DLG1: variants seen among roughly 807,000 people sequenced by gnomAD.
DLG1 encodes disks large homolog 1.
A neutral mutation model predicts 123.4 loss-of-function variants in DLG1; 42 were observed. The observed-to-expected ratio is 0.34, with a 90% CI of 0.27 to 0.44. DLG1 has a LOEUF of 0.44. Ranked by LOEUF, DLG1 falls within the 20% of genes least tolerant of loss-of-function variation. The probability of loss-of-function intolerance (pLI) is 1.00; values close to 1 mark genes in which losing one functional copy is unlikely to be tolerated. For synonymous variants in DLG1, 317 were observed against 356.2 expected (o/e 0.89, Z 1.24); for missense variants, 942 against 1,082.6 (o/e 0.87, Z 1.82).
chr3:197,142,293 T>C lies in DLG1; in HGVS notation c.588+425A>G, dbSNP rs551371461. 2.6e-5 allele frequency among the ~76,000 whole-genome samples: 4 copies of C among 152,280 alleles called. No individual in the cohort carries two copies. The East Asian group carries it at 7.7e-4, about 29-fold the overall frequency. On this transcript the variant is annotated intron_variant, in intron 7 of 24. Transcript: ENST00000667157. Reference sequence around the variant, plus strand: ...TCTAGAGGGGTCTAAGGCGGCAGGATAACTAAACGTAATGTAGTTTCCTGG... The same window carrying C: ...TCTAGAGGGGTCTAAGGCGGCAGGACAACTAAACGTAATGTAGTTTCCTGG...
intron 3 of DLG1, among the ~76,000 whole-genome samples, chr3:197,292,716 A>C (rs1266353805): frequency 6.6e-6 from 1 of 152,234 alleles, no homozygotes; most frequent in Non-Finnish European, 1.5e-5. Flanking sequence ...TAAACTCATA[A>C]ATGGACAGTA....
rs1786120384 is a variant in DLG1 at position 197,138,291 on chromosome 3, A to T, written c.814T>A (p.Leu272Met). 2 of 1,603,640 alleles carry T rather than the reference A, an allele frequency of 1.2e-6. No individual in the cohort carries two copies. The highest frequency in any genetic ancestry group is 1.7e-5 in the Admixed American group (1 of 59,632). The change falls in exon 9 of 25, where the codon TTG becomes ATG. Residue 272 changes from leucine to methionine, a missense_variant. Coordinates refer to ENST00000667157, the MANE Select transcript of DLG1 (RefSeq NM_001366207.1). ...ALKEAGSIVRLYVKRRKPVSE... is the reference protein window; with the variant it reads ...ALKEAGSIVRMYVKRRKPVSE... ...ACTGGTTTCCTTCTTTTTACATACA[A>T]GCGTACAATAGACCCTGCTTCTTTC...
chr3:197,165,660 G>A (rs965871232), intron 5 of DLG1, among the ~76,000 whole-genome samples: 3 of 152,074 alleles, frequency 2.0e-5, no homozygotes, highest in Non-Finnish European at 2.9e-5. Context: ...AATAACAATC[G>A]TAACTGATAC....
At chr3:197,118,429 AC>A (rs1490790478) in intron 12 of DLG1, among the ~76,000 whole-genome samples, 1 of 152,174 alleles carries the variant, frequency 6.6e-6, no homozygotes, top group Non-Finnish European at 1.5e-5. Context: ...ATTACTGACA[AC>A]CTATTAAGTT....
intron 4 of DLG1, chr3:197,260,356 T>C: frequency 2.7e-6 from 1 of 375,280 alleles, no homozygotes; most frequent in Non-Finnish European, 5.2e-6. Flanking sequence ...GAACAAAACA[T>C]GTAAATAAAA....
chr3:197,255,357 G>GA (rs35996235), intron 4 of DLG1, among the ~76,000 whole-genome samples: 1 of 152,136 alleles, frequency 6.6e-6, no homozygotes, highest in Non-Finnish European at 1.5e-5. Context: ...CAGTGCTTAT[G>GA]AAAAAATGTA....
intron 13 of DLG1, among the ~76,000 whole-genome samples, chr3:197,114,618 G>A (rs1003483657): frequency 2.7e-4 from 41 of 152,190 alleles, no homozygotes; most frequent in South Asian, 4.1e-4. Flanking sequence ...ATATCTGAAG[G>A]GCATTTTTGC....
chr3:197,193,780 C>T (rs1720931425), intron 5 of DLG1, among the ~76,000 whole-genome samples: 1 of 150,388 alleles, frequency 6.6e-6, no homozygotes, highest in Non-Finnish European at 1.5e-5. Context: ...ATGATAGGAT[C>T]AAGAAAAGTC....
intron 17 of DLG1, among the ~76,000 whole-genome samples, chr3:197,077,752 G>T (rs1286467561): frequency 6.6e-6 from 1 of 152,124 alleles, no homozygotes; most frequent in Non-Finnish European, 1.5e-5. Context: ...AGAACGATGA[G>T]GCTATTAAAC....
intron 11 of DLG1, 44 bp from the exon 12 acceptor site, chr3:197,119,574 G>C (rs1409552681): frequency 1.3e-6 from 2 of 1,548,338 alleles, no homozygotes; most frequent in Non-Finnish European, 8.8e-7. Flanking sequence ...CACGAAACAA[G>C]CCAATCAGTA....
At chr3:197,148,245 C>A (rs28853971) in intron 6 of DLG1, among the ~76,000 whole-genome samples, 67 of 43,274 alleles carry the variant, frequency 1.5e-3, no homozygotes, top group Admixed American at 2.1e-3. Context: ...ACCAAAAATA[C>A]AAAAAAAAAA....
intron 13 of DLG1, among the ~76,000 whole-genome samples, chr3:197,111,997 T>C (rs1249213843): frequency 2.0e-5 from 3 of 152,312 alleles, no homozygotes; most frequent in East Asian, 1.9e-4. Context: ...TATGCTTTCA[T>C]TTGTCCTGGG....
chr3:197,148,195 T>C (rs1577080653), intron 6 of DLG1, among the ~76,000 whole-genome samples: 1 of 120,526 alleles, frequency 8.3e-6, no homozygotes, highest in Non-Finnish European at 1.6e-5. Flanking sequence ...AGCTCAGGAG[T>C]TCAAGATCAA....
At chr3:197,125,670 T>C (rs1250257209) in intron 11 of DLG1, among the ~76,000 whole-genome samples, 1 of 152,158 alleles carries the variant, frequency 6.6e-6, no homozygotes, top group African/African-American at 2.4e-5. Flanking sequence ...TAAAGTATTA[T>C]CTTAGAAGCA....
At chr3:197,079,487 ACT>A (rs1325781983) in intron 17 of DLG1, among the ~76,000 whole-genome samples, 1 of 152,150 alleles carries the variant, frequency 6.6e-6, no homozygotes, top group Non-Finnish European at 1.5e-5. Context: ...GAACACAGTG[ACT>A]CTGTATAAAG....
intron 5 of DLG1, among the ~76,000 whole-genome samples, chr3:197,172,935 A>C (rs536982151): frequency 6.6e-6 from 1 of 152,202 alleles, no homozygotes; most frequent in Non-Finnish European, 1.5e-5. Flanking sequence ...ACAACTTCTT[A>C]CTGAGGGCTC....
chr3:197,197,589 A>T (rs368061131), intron 4 of DLG1, among the ~76,000 whole-genome samples: 1 of 152,226 alleles, frequency 6.6e-6, no homozygotes, highest in African/African-American at 2.4e-5. Flanking sequence ...ACAGCATTCA[A>T]TGCAATCTCT....
At chr3:197,154,731 G>A (rs773737364) in intron 5 of DLG1, among the ~76,000 whole-genome samples, 20 of 151,944 alleles carry the variant, frequency 1.3e-4, no homozygotes, top group Non-Finnish European at 2.8e-4. Context: ...CTGTATGAAC[G>A]AAACGGAAAT....
chr3:197,060,015 A>G lies in DLG1; in HGVS notation c.2374-17T>C, dbSNP rs1262909263. On this transcript the variant is annotated splice_polypyrimidine_tract_variant and intron_variant, in intron 22 of 24. Transcript: ENST00000667157. Reference sequence around the variant, plus strand: ...GTGTTTGCCCTAAAATAAAGGGAACAAAGAAAAAAAACAAGTGAGCCAAAT... The same window carrying G: ...GTGTTTGCCCTAAAATAAAGGGAACGAAGAAAAAAAACAAGTGAGCCAAAT... 2.5e-6 allele frequency: 4 copies of G among 1,586,664 alleles called. No homozygotes were observed. The highest frequency in any genetic ancestry group is 3.4e-6 in the Non-Finnish European group (4 of 1,162,402).
Sources: gnomAD v4.1 joint callset for allele counts (sites outside exome capture counted in the v4.1 genomes callset) on GRCh38, gnomAD v4.1.1 for gene constraint, MANE v1.5 for transcripts, NCBI Gene and HGNC (gene_info 2026-07-23, HGNC 2026-07-21) for gene names.